Variants in BUB1B observed in about 807,000 individuals in gnomAD.
BUB1B encodes the protein BUB1 mitotic checkpoint serine/threonine kinase B.
Under a neutral mutation model 137.7 loss-of-function variants are expected in BUB1B, and 86 were observed. The ratio of observed to expected loss-of-function variants is 0.62; its 90% CI spans 0.52 to 0.75. The LOEUF (loss-of-function observed/expected upper bound fraction) is 0.75, where lower values mean the gene tolerates loss of function less well. Ranked by LOEUF, BUB1B falls within the 30% of genes least tolerant of loss-of-function variation. The pLI is 0.00. For missense variants in BUB1B, 1,130 were observed against 1,236.9 expected (o/e 0.91, Z 1.30); for synonymous variants, 420 against 417.9 (o/e 1.00, Z -0.06).
chr15:40,207,931 T>C (rs535311293), intron 15 of BUB1B, among the ~76,000 whole-genome samples: 2 of 150,608 alleles, frequency 1.3e-5, no homozygotes, highest in African/African-American at 4.8e-5. Flanking sequence ...TATCATTTCC[T>C]GGGCTCAAGT....
chr15:40,178,540 T>C (rs1266102254), intron 5 of BUB1B, among the ~76,000 whole-genome samples: 1 of 152,142 alleles, frequency 6.6e-6, no homozygotes, highest in Non-Finnish European at 1.5e-5. Flanking sequence ...TATTCTGTTT[T>C]TTAGAGTGTA....
At chr15:40,200,809 A>G (rs1259078610) in intron 11 of BUB1B, 122 bp from the exon 12 acceptor site, 2 of 788,276 alleles carry the variant, frequency 2.5e-6, no homozygotes, top group Admixed American at 4.8e-5. Flanking sequence ...ATTTGAATTG[A>G]CAGTAATAAT....
At chr15:40,197,886 A>G (rs1187417444) in intron 9 of BUB1B, among the ~76,000 whole-genome samples, 1 of 152,136 alleles carries the variant, frequency 6.6e-6, no homozygotes, top group African/African-American at 2.4e-5. Context: ...AAGGAGAACC[A>G]CTCCAGCAAA....
intron 9 of BUB1B, 35 bp downstream of exon 9, chr15:40,196,809 CTTAG>C: frequency 6.3e-7 from 1 of 1,593,136 alleles, no homozygotes; most frequent in Non-Finnish European, 8.6e-7. Context: ...GAGGACTTAA[CTTAG>C]TTGTGTGAAG....
intron 18 of BUB1B, 80 bp from the exon 19 acceptor site, chr15:40,212,419 G>C (rs548513217): frequency 1.9e-6 from 2 of 1,057,508 alleles, no homozygotes; most frequent in East Asian, 2.4e-5. Flanking sequence ...TATCAGAAGG[G>C]CTGGAAGGAA....
intron 2 of BUB1B, among the ~76,000 whole-genome samples, chr15:40,169,070 A>T (rs770586200): frequency 2.6e-5 from 4 of 152,232 alleles, no homozygotes; most frequent in Non-Finnish European, 5.9e-5. Context: ...TAGATCAAAC[A>T]TAACTGCTTA....
At chr15:40,202,072 G>A (rs2037578209) in intron 12 of BUB1B, among the ~76,000 whole-genome samples, 1 of 151,856 alleles carries the variant, frequency 6.6e-6, no homozygotes, top group South Asian at 2.1e-4. Flanking sequence ...TCATGTTTTG[G>A]GATTGGGATT....
intron 4 of BUB1B, among the ~76,000 whole-genome samples, chr15:40,173,156 G>A (rs545439970): frequency 2.0e-5 from 3 of 151,828 alleles, no homozygotes; most frequent in African/African-American, 2.4e-5. Flanking sequence ...GTGGTGGTGC[G>A]CACATGTAAT....
In BUB1B at chr15:40,183,803, G is replaced by A. The variant is rs760391628; in HGVS notation, c.671G>A (p.Arg224Gln). 13 of 1,613,928 alleles carry A rather than the reference G, an allele frequency of 8.1e-6. No homozygotes were observed. Among genetic ancestry groups the A allele is most frequent in the South Asian group, 1.1e-5 (1 of 91,084 alleles). ...EEVFESSVPQ[R>Q]STLAELKSKG... ...GTTTTTGAGTCTTCTGTACCACAAC[G>A]AAGCACACTAGCTGAACTAAAGAGC... The change falls in exon 6 of 23, where the codon CGA (arginine) becomes CAA (glutamine). Residue 224 changes from arginine to glutamine, a missense_variant. By Grantham distance (43) the Arg-to-Gln change is conservative. Coordinates refer to ENST00000287598, the MANE Select transcript of BUB1B (RefSeq NM_001211.6).
At chr15:40,164,689 G>A (rs1428939968) in intron 1 of BUB1B, among the ~76,000 whole-genome samples, 3 of 146,028 alleles carry the variant, frequency 2.1e-5, no homozygotes, top group Non-Finnish European at 4.5e-5. Context: ...TAAAGAAAGA[G>A]GCAGGGTCTT....
At chr15:40,176,291 C>T (rs186864007) in intron 4 of BUB1B, among the ~76,000 whole-genome samples, 186 bp from the exon 5 acceptor site, 1 of 152,306 alleles carries the variant, frequency 6.6e-6, no homozygotes, top group East Asian at 1.9e-4. Context: ...CTCTCCAACT[C>T]TTCTTACAAA....
rs1306679295 is a variant in BUB1B, at chr15:40,187,430, A to AT, written c.1058+1797dup. On this transcript the variant is annotated intron_variant, in intron 8 of 22. Coordinates refer to ENST00000287598, the MANE Select transcript of BUB1B (RefSeq NM_001211.6). ...TGTGAGCCACCGCACCCGGTCAACA[A>AT]TTTTTTTTTAATTAGCTGGGTATGG... Among the ~76,000 whole-genome samples the AT allele has an allele frequency of 8.0e-4, 121 of 151,326 alleles. 1 individual carries two copies. In the Middle Eastern group the frequency reaches 0.01, roughly 13 times the overall value.
chr15:40,212,412 C>G, intron 18 of BUB1B, 87 bp from the exon 19 acceptor site: 2 of 997,856 alleles, frequency 2.0e-6, no homozygotes, highest in South Asian at 2.7e-5. Context: ...ATTTCTCTAT[C>G]AGAAGGGCTG....
chr15:40,180,247 G>GTTTTTTTTTTTTTTTTTTTTTT (rs1566818628), intron 5 of BUB1B, among the ~76,000 whole-genome samples: 1 of 108,844 alleles, frequency 9.2e-6, no homozygotes, highest in African/African-American at 4.4e-5. Context: ...TCAACGTTTC[G>GTTTTTTTTTTTTTTTTTTTTTT]TTTCTTTTTT....
chr15:40,220,733 AG>A lies in BUB1B; in HGVS notation c.3128del (p.Ser1043IlefsTer35). 1 of 1,614,204 alleles carries A rather than the reference AG, an allele frequency of 6.2e-7. No homozygotes were observed. The highest frequency in any genetic ancestry group is 8.5e-7 in the Non-Finnish European group (1 of 1,180,038). ...KALWKVGKLTSPGALLFQ is the reference protein window; with the variant it reads ...KALWKVGKLTXPGALLFQ ...CTTATGGAAGGTAGGGAAGTTAACT[AG>A]TCCTGGGGCTTTGCTCTTTCAGTGA... On this transcript the variant is annotated frameshift_variant, in exon 23 of 23. Coordinates refer to ENST00000287598, the MANE Select transcript of BUB1B (RefSeq NM_001211.6). LOFTEE classifies it high-confidence loss of function.
chr15:40,198,257 TAGAG>T (rs1159120779), intron 9 of BUB1B, among the ~76,000 whole-genome samples: 3 of 146,720 alleles, frequency 2.0e-5, no homozygotes, highest in Non-Finnish European at 4.5e-5. Context: ...TTTTTTTAAA[TAGAG>T]AGATGGGATC....
chr15:40,184,395 C>T (rs1268672858), intron 6 of BUB1B, among the ~76,000 whole-genome samples: 2 of 151,882 alleles, frequency 1.3e-5, no homozygotes, highest in Non-Finnish European at 2.9e-5. Context: ...GCTTCAAACT[C>T]CTAGGCTCAA....
In BUB1B at chr15:40,170,642, T is replaced by C. The variant is rs770219445; in HGVS notation, c.345T>C (p.Tyr115=). ...AAGCACTACAAGGAGAAAAACGATA[T>C]TATAGTGATCCTCGATTTCTCAATC... ...AVEALQGEKR[Y]YSDPRFLNLW... is the part of the protein sequence containing the mutation. Residue 115 remains tyrosine, a synonymous_variant, in exon 4 of 23, where the codon TAT becomes TAC. Coordinates refer to ENST00000287598, the MANE Select transcript of BUB1B (RefSeq NM_001211.6). The C allele has an allele frequency of 6.2e-7, 1 of 1,613,780 alleles. No homozygotes were observed. Among genetic ancestry groups the C allele is most frequent in the Admixed American group, 1.7e-5 (1 of 60,020 alleles).
chr15:40,206,530 A>C, intron 15 of BUB1B, 72 bp downstream of exon 15: 5 of 1,589,366 alleles, frequency 3.1e-6, no homozygotes, highest in Non-Finnish European at 4.3e-6. Context: ...TGTCAGTTAC[A>C]GTAATCAGTT....
Sources: gnomAD v4.1 joint callset for allele counts (sites outside exome capture counted in the v4.1 genomes callset) on GRCh38, gnomAD v4.1.1 for gene constraint, MANE v1.5 for transcripts, NCBI Gene and HGNC (gene_info 2026-07-23, HGNC 2026-07-21) for gene names.